SPATA32: variants seen among roughly 807,000 people sequenced by gnomAD.
The protein encoded by SPATA32 is spermatogenesis-associated protein 32.
In SPATA32, 28 loss-of-function variants were observed where a neutral mutation model predicts 35.4. The observed-to-expected ratio is 0.79, with a 90% CI of 0.59 to 1.09. The LOEUF (loss-of-function observed/expected upper bound fraction) is 1.09, where lower values mean the gene tolerates loss of function less well. Ranked by LOEUF, SPATA32 falls within the 50% of genes least tolerant of loss-of-function variation. The probability of loss-of-function intolerance (pLI) is 0.00; values close to 1 mark genes in which losing one functional copy is unlikely to be tolerated. For missense variants in SPATA32, 409 were observed against 475.9 expected (o/e 0.86, Z 1.31); for synonymous variants, 168 against 196.3 (o/e 0.86, Z 1.20).
rs2043953178 is a variant in SPATA32, at chr17:45,255,967, A to G, written c.215T>C (p.Leu72Ser). Residue 72 changes from leucine to serine, a missense_variant, in exon 4 of 5, where the codon TTA (leucine) becomes TCA (serine). Leu to Ser is a moderately radical substitution (Grantham distance 145). Coordinates refer to ENST00000331780, the MANE Select transcript of SPATA32 (RefSeq NM_152343.3). This position sits in a 1 kb window ranked among gnomAD's most constrained non-coding sequence, Gnocchi z 5.4. ...PELEIGQVPA[L>S]LESELYPALK... ...GGCTGGGTATAGCTCTGACTCCAGT[A>G]AAGCCGGCACCTGTCCGATCTCCAG... is the stretch of plus-strand genomic sequence containing the variant. 6.2e-7 allele frequency: 1 copy of G among 1,614,024 alleles called. No individual in the cohort carries two copies.
Position 45,255,444 on chromosome 17 carries a change from A to C in SPATA32, c.738T>G (p.Ser246=). 6.2e-7 allele frequency: 1 copy of C among 1,614,144 alleles called. No homozygotes were observed. The highest frequency in any genetic ancestry group is 2.2e-5 in the East Asian group (1 of 44,886). Residue 246 remains serine, a synonymous_variant, in exon 4 of 5, where the codon TCT becomes TCG. Transcript: ENST00000331780. The surrounding 1 kb of genome is among the most constrained non-coding windows in gnomAD (Gnocchi z 5.4). The part of the protein sequence containing the change: ...IDLTELITFA[S]SLAMASSSRM... Reference sequence around the variant, plus strand: ...TGCTGGAGGAGGCCATGGCCAGGGAAGATGCAAAGGTGATTAGCTCTGTCA... The same window carrying C: ...TGCTGGAGGAGGCCATGGCCAGGGACGATGCAAAGGTGATTAGCTCTGTCA...
chr17:45,261,892 G>T, intron 1 of SPATA32, 112 bp downstream of exon 1: 1 of 1,179,826 alleles, frequency 8.5e-7, no homozygotes, highest in South Asian at 3.9e-5. Flanking sequence ...TTGGGAGCAG[G>T]GGAACGGGCC....
chr17:45,254,576 C>T (rs2043937787), intron 4 of SPATA32, 63 bp from the exon 5 acceptor site: 4 of 1,491,462 alleles, frequency 2.7e-6, no homozygotes, highest in Non-Finnish European at 3.7e-6. Context: ...GAGGGGTGAG[C>T]CCAGAGGCCC....
At chr17:45,261,950 T>A in intron 1 of SPATA32, 54 bp downstream of exon 1, 1 of 1,306,482 alleles carries the variant, frequency 7.7e-7, no homozygotes, top group Non-Finnish European at 9.8e-7. Context: ...CCCTCTCACT[T>A]TCGCTTTCCC....
At position 45,254,638 on chromosome 17, in the gene SPATA32, G is replaced by T. The variant is rs2043938613; in HGVS notation, c.1068-125C>A. On this transcript the variant is annotated intron_variant, in intron 4 of 4. Coordinates refer to ENST00000331780, the MANE Select transcript of SPATA32 (RefSeq NM_152343.3). ...GGTCTTCTGCTGCTGCCCGCGTCTG[G>T]GCAGCTGAGATTACATTCTGTGTCC... 4.4e-5 allele frequency: 33 copies of T among 751,590 alleles called. No individual in the cohort carries two copies. The South Asian group carries it at 5.2e-4, about 12-fold the overall frequency. The allele number at this position is 751,590 out of a possible 1,614,324, so 46.6% of individuals were successfully genotyped here. A position where few individuals can be genotyped will look rare whatever the true frequency, so the allele number is the denominator to read the frequency against.
At position 45,254,414 on chromosome 17, in the gene SPATA32, G is replaced by A. The variant is rs755014180; in HGVS notation, c.*12C>T. The A allele has an allele frequency of 8.1e-6, 13 of 1,612,858 alleles. No individual in the cohort carries two copies. In the Admixed American group the frequency reaches 1.0e-4, roughly 12 times the overall value. ...GACGGCCAGCACTGGAGGCTTTATT[G>A]GTTCTGTCTAGTCATTTCTCTGGGA... On this transcript the variant is annotated 3_prime_UTR_variant, in exon 5 of 5. Coordinates refer to ENST00000331780, the MANE Select transcript of SPATA32 (RefSeq NM_152343.3).
In SPATA32 at chr17:45,255,793, T is replaced by C; in HGVS notation, c.389A>G (p.Asn130Ser). The C allele has an allele frequency of 6.2e-7, 1 of 1,614,044 alleles. No homozygotes were observed. The highest frequency in any genetic ancestry group is 8.5e-7 in the Non-Finnish European group (1 of 1,179,936). ...TPQTFRPWSL[N>S]SNCRSFTEEN... ...CTCCGTGAAACTCCGGCAGTTTGAA[T>C]TCAGACTCCACGGTCTGAAGGTCTG... is the stretch of plus-strand genomic sequence containing the variant. Residue 130 changes from asparagine (N) to serine (S), a missense_variant, in exon 4 of 5, where the codon AAT (asparagine) becomes AGT (serine). Asn to Ser is a conservative substitution (Grantham distance 46). Transcript: ENST00000331780. This position sits in a 1 kb window ranked among gnomAD's most constrained non-coding sequence, Gnocchi z 5.4.
intron 1 of SPATA32, among the ~76,000 whole-genome samples, chr17:45,259,043 T>C (rs2043981701): frequency 6.6e-6 from 1 of 152,048 alleles, no homozygotes; most frequent in South Asian, 2.1e-4. Context: ...GCTTTTTTTT[T>C]CTTTTAGATT....
chr17:45,257,252 G>A, intron 1 of SPATA32, 45 bp from the exon 2 acceptor site: 1 of 1,575,454 alleles, frequency 6.3e-7, no homozygotes, highest in Non-Finnish European at 8.6e-7. Flanking sequence ...CAGGGTAGAG[G>A]ACAGTCCCAG....
At chr17:45,257,110 A>G (rs1326634699) in intron 2 of SPATA32, 43 bp downstream of exon 2, 4 of 1,605,716 alleles carry the variant, frequency 2.5e-6, no homozygotes, top group Non-Finnish European at 3.4e-6. Context: ...GAGGTCCTGG[A>G]GGGCTCGGGG....
At position 45,255,984 on chromosome 17, in the gene SPATA32, G is replaced by A. The variant is rs7212560; in HGVS notation, c.198C>T (p.Ile66=). ...PDPDPDPELE[I]GQVPALLESE... ...ACTCCAGTAAAGCCGGCACCTGTCC[G>A]ATCTCCAGTTCTGGGTCTGGGTCTG... is the stretch of plus-strand genomic sequence containing the variant. The change falls in exon 4 of 5, where the codon ATC becomes ATT. Residue 66 remains isoleucine (I), a synonymous_variant. Coordinates refer to ENST00000331780, the MANE Select transcript of SPATA32 (RefSeq NM_152343.3). This position sits in a 1 kb window ranked among gnomAD's most constrained non-coding sequence, Gnocchi z 5.4. 1,945 of 1,614,090 alleles carry A rather than the reference G, an allele frequency of 1.2e-3. 31 individuals are homozygous for A. The African/African-American group carries it at 0.024, about 20-fold the overall frequency.
Position 45,255,973 on chromosome 17 carries a change from G to C in SPATA32, c.209C>G (p.Pro70Arg). 3 of 1,614,100 alleles carry C rather than the reference G, an allele frequency of 1.9e-6. No homozygotes were observed. The highest frequency in any genetic ancestry group is 2.2e-5 in the South Asian group (2 of 91,080). Residue 70 changes from proline (P) to arginine (R), a missense_variant, in exon 4 of 5, where the codon CCG becomes CGG. By Grantham distance (103) the Pro-to-Arg change is moderately radical. Transcript: ENST00000331780. The surrounding 1 kb of genome is among the most constrained non-coding windows in gnomAD (Gnocchi z 5.4). ...PDPELEIGQV[P>R]ALLESELYPA... ...GTATAGCTCTGACTCCAGTAAAGCC[G>C]GCACCTGTCCGATCTCCAGTTCTGG... is the stretch of plus-strand genomic sequence containing the variant.
chr17:45,254,481 G>A lies in SPATA32; in HGVS notation c.1100C>T (p.Pro367Leu), dbSNP rs371121400. ...CTTAAAATGGATTTTCACCAATAAT[G>A]GATTCTCTTTCTCTTTTCCTGGCGG... is the stretch of plus-strand genomic sequence containing the variant. ...SVPPGKEKEN[P>L]LLVKIHFKLS... The change falls in exon 5 of 5, where the codon CCA becomes CTA. Residue 367 changes from proline to leucine, a missense_variant. Pro to Leu is a moderately conservative substitution (Grantham distance 98). Coordinates refer to ENST00000331780, the MANE Select transcript of SPATA32 (RefSeq NM_152343.3). The A allele has an allele frequency of 2.5e-6, 4 of 1,614,038 alleles. No homozygotes were observed. In the African/African-American group the frequency reaches 5.3e-5, roughly 22 times the overall value.
At chr17:45,258,189 G>A (rs1298204111) in intron 1 of SPATA32, among the ~76,000 whole-genome samples, 1 of 152,140 alleles carries the variant, frequency 6.6e-6, no homozygotes, top group Non-Finnish European at 1.5e-5. Flanking sequence ...TGGAGGGAGG[G>A]GTCCTTGCAT....
Position 45,255,202 on chromosome 17 carries a change from G to T in SPATA32, c.980C>A (p.Pro327Gln). 1 of 1,614,190 alleles carries T rather than the reference G, an allele frequency of 6.2e-7. No individual in the cohort carries two copies. Among genetic ancestry groups the T allele is most frequent in the Non-Finnish European group, 8.5e-7 (1 of 1,180,036 alleles). The change falls in exon 4 of 5, where the codon CCG (proline) becomes CAG (glutamine). Residue 327 changes from proline to glutamine, a missense_variant. Transcript: ENST00000331780. This position sits in a 1 kb window ranked among gnomAD's most constrained non-coding sequence, Gnocchi z 5.4. ...TTTGATGGTGGCCCTCTTGATCCCC[G>T]GCTTGCTGAAGTCAAAGTAAGATTG... ...FAQSYFDFSK[P>Q]GIKRATIKGQ...
At position 45,255,612 on chromosome 17, in the gene SPATA32, G is replaced by A; in HGVS notation, c.570C>T (p.Ser190=). ...NNGSAGQPIR[S]PLREAIPTNA... ...TGGTGGGGATGGCCTCCCGGAGCGGGGATCTGATGGGCTGGCCTGCGCTGC... is the reference window on the plus strand; with the variant it reads ...TGGTGGGGATGGCCTCCCGGAGCGGAGATCTGATGGGCTGGCCTGCGCTGC... The change falls in exon 4 of 5, where the codon TCC becomes TCT. Residue 190 remains serine, a synonymous_variant. Coordinates refer to ENST00000331780, the MANE Select transcript of SPATA32 (RefSeq NM_152343.3). This position sits in a 1 kb window ranked among gnomAD's most constrained non-coding sequence, Gnocchi z 5.4. The A allele has an allele frequency of 6.2e-7, 1 of 1,613,972 alleles. No homozygotes were observed. Among genetic ancestry groups the A allele is most frequent in the South Asian group, 1.1e-5 (1 of 91,086 alleles).
Position 45,256,327 on chromosome 17 carries a change from C to T in SPATA32, c.108+49G>A, listed in dbSNP as rs1253888534. 4.4e-6 allele frequency: 7 copies of T among 1,585,582 alleles called. No homozygotes were observed. The African/African-American group carries it at 9.4e-5, about 21-fold the overall frequency. ...GGCTGGTGGGGACTTAGGGAAGAGC[C>T]CTGCCGCTTGCCTACCACCTCCCCG... On this transcript the variant is annotated intron_variant, in intron 3 of 4. Coordinates refer to ENST00000331780, the MANE Select transcript of SPATA32 (RefSeq NM_152343.3). This position sits in a 1 kb window ranked among gnomAD's most constrained non-coding sequence, Gnocchi z 4.7.
intron 1 of SPATA32, among the ~76,000 whole-genome samples, chr17:45,257,611 C>G (rs4248280): frequency 0.48 from 72,977 of 151,972 alleles, 17,839 homozygotes; most frequent in Non-Finnish European, 0.53. Flanking sequence ...GACTTGAATG[C>G]AGGCTTGACT....
intron 1 of SPATA32, 66 bp downstream of exon 1, chr17:45,261,938 C>A (rs2044013752): frequency 7.7e-7 from 1 of 1,291,142 alleles, no homozygotes. Flanking sequence ...TCGCGCCCCT[C>A]CCCCTCTCAC....
Sources: gnomAD v4.1 joint callset for allele counts (sites outside exome capture counted in the v4.1 genomes callset) on GRCh38, gnomAD v4.1.1 for gene constraint, Gnocchi (gnomAD v3.1) non-coding constraint, MANE v1.5 for transcripts, NCBI Gene and HGNC (gene_info 2026-07-23, HGNC 2026-07-21) for gene names.